The following LRP1B variants were observed in gnomAD, a reference collection of about 807,000 sequenced individuals.
The protein encoded by LRP1B is low-density lipoprotein receptor-related protein 1B.
A neutral mutation model predicts 556.6 loss-of-function variants in LRP1B; 217 were observed. That is an observed-to-expected ratio of 0.39 (90% CI 0.35 to 0.44). LRP1B has a LOEUF of 0.44. Ranked by LOEUF, LRP1B falls within the 20% of genes least tolerant of loss-of-function variation. The pLI is 1.00. For missense variants in LRP1B, 5,053 were observed against 5,620.8 expected (o/e 0.90, Z 3.23); for synonymous variants, 2,047 against 1,865.8 (o/e 1.10, Z -2.50).
At chr2:141,941,726 A>G (rs1700809035) in intron 1 of LRP1B, among the ~76,000 whole-genome samples, 1 of 152,170 alleles carries the variant, frequency 6.6e-6, no homozygotes, top group African/African-American at 2.4e-5. Flanking sequence ...AGCATTTTAG[A>G]TGATTCTGGT....
chr2:140,892,444 C>T (rs912786546), intron 23 of LRP1B, among the ~76,000 whole-genome samples: 1 of 152,086 alleles, frequency 6.6e-6, no homozygotes, highest in African/African-American at 2.4e-5. Flanking sequence ...TGGAGAGGTG[C>T]TCAAACTCAT....
intron 41 of LRP1B, among the ~76,000 whole-genome samples, chr2:140,641,604 C>T (rs1684295804): frequency 6.6e-6 from 1 of 152,148 alleles, no homozygotes; most frequent in Non-Finnish European, 1.5e-5. Flanking sequence ...TTTTACTAAA[C>T]GTTATGCTCT....
At chr2:141,109,175 G>C (rs1480313217) in intron 7 of LRP1B, among the ~76,000 whole-genome samples, 1 of 152,116 alleles carries the variant, frequency 6.6e-6, no homozygotes, top group East Asian at 1.9e-4. Flanking sequence ...TTCTGTGACT[G>C]CATCCCCAAC....
intron 2 of LRP1B, among the ~76,000 whole-genome samples, chr2:141,778,881 G>T (rs1476154954): frequency 4.6e-5 from 7 of 152,142 alleles, no homozygotes; most frequent in African/African-American, 1.7e-4. Context: ...GCTGTTTAAT[G>T]CTTTAGAAGT....
At chr2:141,872,289 GA>G (rs1204115439) in intron 1 of LRP1B, among the ~76,000 whole-genome samples, 1 of 151,666 alleles carries the variant, frequency 6.6e-6, no homozygotes, top group African/African-American at 2.4e-5. Context: ...TATTTTTTGG[GA>G]AAAAAAGGAA....
Position 140,674,179 on chromosome 2 carries a change from C to T in LRP1B, c.6799+26071G>A, listed in dbSNP as rs546082083. On this transcript the variant is annotated intron_variant, in intron 41 of 90. Transcript: ENST00000389484. ...TGGTCAGGCTGGTCTCAAACTCCTGCCCTCAGGTGATCCACCTGCCTCGGC... is the reference window on the plus strand; with the variant it reads ...TGGTCAGGCTGGTCTCAAACTCCTGTCCTCAGGTGATCCACCTGCCTCGGC... Among the ~76,000 whole-genome samples the T allele has an allele frequency of 2.6e-5, 4 of 151,918 alleles. No homozygotes were observed. In the South Asian group the frequency reaches 8.3e-4, roughly 32 times the overall value.
chr2:140,687,484 A>T (rs1686089661), intron 41 of LRP1B, among the ~76,000 whole-genome samples: 1 of 152,138 alleles, frequency 6.6e-6, no homozygotes, highest in Non-Finnish European at 1.5e-5. Context: ...CTCATCTTTA[A>T]TTATGTCCCT....
chr2:141,644,869 A>C (rs908423989), intron 2 of LRP1B, among the ~76,000 whole-genome samples: 1 of 151,996 alleles, frequency 6.6e-6, no homozygotes, highest in Non-Finnish European at 1.5e-5. Flanking sequence ...TCAGCACTGC[A>C]CTCAGCATCT....
At chr2:141,063,794 A>G (rs1053787499) in intron 7 of LRP1B, among the ~76,000 whole-genome samples, 2 of 151,836 alleles carry the variant, frequency 1.3e-5, no homozygotes, top group Non-Finnish European at 2.9e-5. Context: ...TTTTCTCACA[A>G]TGCCTCTTCT....
intron 3 of LRP1B, among the ~76,000 whole-genome samples, chr2:141,328,032 TC>T (rs2105485142): frequency 6.6e-6 from 1 of 152,282 alleles, no homozygotes; most frequent in South Asian, 2.1e-4. Context: ...AAGTAAGATA[TC>T]ATGAATCTAA....
At chr2:142,088,944 C>A (rs1260085267) in intron 1 of LRP1B, among the ~76,000 whole-genome samples, 2 of 140,888 alleles carry the variant, frequency 1.4e-5, no homozygotes, top group African/African-American at 5.4e-5. Context: ...CACTGCACTC[C>A]AGCCTGGGTG....
chr2:141,085,503 C>T (rs797007316), intron 7 of LRP1B, among the ~76,000 whole-genome samples: 3 of 152,058 alleles, frequency 2.0e-5, no homozygotes, highest in Non-Finnish European at 4.4e-5. Flanking sequence ...ATGCACACAC[C>T]GAGGAAAGAC....
At chr2:141,315,579 T>C (rs1686999863) in intron 3 of LRP1B, among the ~76,000 whole-genome samples, 2 of 151,866 alleles carry the variant, frequency 1.3e-5, no homozygotes, top group African/African-American at 4.8e-5. Context: ...ATTTTATAAA[T>C]GTATTTTTAT....
At chr2:141,910,219 T>C (rs1699872531) in intron 1 of LRP1B, among the ~76,000 whole-genome samples, 1 of 151,948 alleles carries the variant, frequency 6.6e-6, no homozygotes, top group Non-Finnish European at 1.5e-5. Flanking sequence ...AAACCAAATT[T>C]TGCTTGGGTT....
At chr2:140,957,570 G>A (rs894025259) in intron 18 of LRP1B, among the ~76,000 whole-genome samples, 6 of 151,632 alleles carry the variant, frequency 4.0e-5, no homozygotes, top group African/African-American at 1.4e-4. Context: ...TAAAATAACA[G>A]CCAAATATTT....
intron 7 of LRP1B, among the ~76,000 whole-genome samples, chr2:141,082,203 A>C (rs973547491): frequency 1.3e-5 from 2 of 152,214 alleles, no homozygotes; most frequent in African/African-American, 2.4e-5. Flanking sequence ...CAAAGATACT[A>C]AGCTTTTACT....
Position 141,283,618 on chromosome 2 carries a change from C to CTT in LRP1B, c.344-28979_344-28978dup, listed in dbSNP as rs751136016. On this transcript the variant is annotated intron_variant, in intron 3 of 90. Coordinates refer to ENST00000389484, the MANE Select transcript of LRP1B (RefSeq NM_018557.3). Reference sequence around the variant, plus strand: ...GTGAGAGCACAGACAAAGAGACCCACTTTTTTTTTTTTTTTTTTTTGAGAC... The same window carrying CTT: ...GTGAGAGCACAGACAAAGAGACCCACTTTTTTTTTTTTTTTTTTTTTTGAGAC... Among the ~76,000 whole-genome samples the CTT allele has an allele frequency of 5.8e-3, 720 of 123,888 alleles. 12 individuals are homozygous for CTT. The highest frequency in any genetic ancestry group is 8.7e-3 in the Middle Eastern group (2 of 230). 81.3% of individuals were successfully genotyped at this position (123,888 alleles called of 152,430 possible).
At chr2:140,330,319 A>G (rs1459927361) in intron 79 of LRP1B, among the ~76,000 whole-genome samples, 1 of 151,684 alleles carries the variant, frequency 6.6e-6, no homozygotes, top group South Asian at 2.1e-4. Flanking sequence ...ACATTACCTG[A>G]CTTCAAACTA....
At chr2:142,004,458 C>T (rs1378649367) in intron 1 of LRP1B, among the ~76,000 whole-genome samples, 1 of 151,606 alleles carries the variant, frequency 6.6e-6, no homozygotes, top group Non-Finnish European at 1.5e-5. Flanking sequence ...ACAATATATA[C>T]TACATATGTA....
Sources: gnomAD v4.1 joint callset for allele counts (sites outside exome capture counted in the v4.1 genomes callset) on GRCh38, gnomAD v4.1.1 for gene constraint, MANE v1.5 for transcripts, NCBI Gene and HGNC (gene_info 2026-07-23, HGNC 2026-07-21) for gene names.